The following ZNF827 variants were observed in gnomAD, a reference collection of about 807,000 sequenced individuals.
The protein encoded by ZNF827 is zinc finger protein 827.
In ZNF827, 13 loss-of-function variants were observed where a neutral mutation model predicts 102.4. That is an observed-to-expected ratio of 0.13 (90% CI 0.08 to 0.20). The LOEUF is 0.20. Among genes scored for constraint, ZNF827 ranks in the 10% least tolerant of loss-of-function variants. ZNF827 has a pLI of 1.00. For missense variants in ZNF827, 1,103 were observed against 1,344.4 expected (o/e 0.82, Z 2.81); for synonymous variants, 523 against 536.2 (o/e 0.98, Z 0.34).
chr4:145,930,668 G>T (rs1425106381), intron 1 of ZNF827, among the ~76,000 whole-genome samples: 1 of 152,202 alleles, frequency 6.6e-6, no homozygotes, highest in Admixed American at 6.5e-5. Context: ...GGAATGGACA[G>T]TCGGAAACAA....
chr4:145,806,954 C>T (rs1741512206), intron 8 of ZNF827, among the ~76,000 whole-genome samples: 1 of 152,164 alleles, frequency 6.6e-6, no homozygotes, highest in South Asian at 2.1e-4. Flanking sequence ...ATCTCCCTTG[C>T]AAGGTTAAAA....
At position 145,845,921 on chromosome 4, in the gene ZNF827, G is replaced by A. The variant is rs185325972; in HGVS notation, c.2279+35C>T. On this transcript the variant is annotated intron_variant, in intron 7 of 14. Coordinates refer to ENST00000508784, the MANE Select transcript of ZNF827 (RefSeq NM_001306215.2). ...GTAGTACGGGCTGGTGGCCCACACG[G>A]GGTGTTCTGGAGGAACCCACACAAA... 20 of 1,612,362 alleles carry A rather than the reference G, an allele frequency of 1.2e-5. No homozygotes were observed. In the African/African-American group the frequency reaches 1.9e-4, roughly 15 times the overall value.
At chr4:145,772,934 A>G (rs1169274625) in intron 11 of ZNF827, among the ~76,000 whole-genome samples, 11 of 152,186 alleles carry the variant, frequency 7.2e-5, no homozygotes, top group Admixed American at 6.5e-4. Flanking sequence ...GTTTCCACTC[A>G]CGACAATTAA....
At chr4:145,859,563 A>T (rs1255476088) in intron 5 of ZNF827, among the ~76,000 whole-genome samples, 1 of 152,182 alleles carries the variant, frequency 6.6e-6, no homozygotes, top group East Asian at 1.9e-4. Flanking sequence ...GGAGATACAG[A>T]GTGCATGGAT....
At chr4:145,776,612 T>TTG (rs140321780) in intron 9 of ZNF827, among the ~76,000 whole-genome samples, 9,869 of 151,116 alleles carry the variant, frequency 0.065, 455 homozygotes, top group Middle Eastern at 0.12. Context: ...GCATGTCTGT[T>TTG]TGTGTGTGTG....
At chr4:145,888,671 C>T (rs1379251519) in intron 3 of ZNF827, among the ~76,000 whole-genome samples, 1 of 152,224 alleles carries the variant, frequency 6.6e-6, no homozygotes, top group Non-Finnish European at 1.5e-5. Context: ...GAACTCAGTA[C>T]CCTGACTCTC....
chr4:145,913,319 G>A (rs895039063), intron 1 of ZNF827, among the ~76,000 whole-genome samples: 4 of 151,298 alleles, frequency 2.6e-5, no homozygotes, highest in South Asian at 2.1e-4. Context: ...CCAGCTACTC[G>A]GGAGGCTGAA....
intron 8 of ZNF827, among the ~76,000 whole-genome samples, chr4:145,815,269 T>C (rs757340015): frequency 2.6e-5 from 4 of 152,230 alleles, no homozygotes; most frequent in South Asian, 2.1e-4. Context: ...CCTCATATCA[T>C]GCGAATGCAA....
intron 1 of ZNF827, among the ~76,000 whole-genome samples, chr4:145,903,811 A>G (rs1313956165): frequency 6.6e-6 from 1 of 152,246 alleles, no homozygotes; most frequent in Non-Finnish European, 1.5e-5. Context: ...AGCTTATATC[A>G]TAATAAGCAT....
chr4:145,887,063 C>T (rs1750176447), intron 3 of ZNF827, among the ~76,000 whole-genome samples: 1 of 152,262 alleles, frequency 6.6e-6, no homozygotes, highest in Non-Finnish European at 1.5e-5. Flanking sequence ...CACTTTAGTG[C>T]TGACCTGCTA....
chr4:145,881,345 A>G (rs1296149728), intron 4 of ZNF827, among the ~76,000 whole-genome samples: 3 of 152,380 alleles, frequency 2.0e-5, no homozygotes, highest in South Asian at 2.1e-4. Context: ...TCTCAATTTT[A>G]CGAAATTAAT....
chr4:145,899,358 T>A (rs1030577388), intron 2 of ZNF827, among the ~76,000 whole-genome samples: 12 of 152,038 alleles, frequency 7.9e-5, no homozygotes, highest in African/African-American at 2.4e-5. Context: ...AGGGGACAGA[T>A]GGAGATGATC....
At position 145,916,545 on chromosome 4, in the gene ZNF827, T is replaced by C. The variant is rs114006953; in HGVS notation, c.44-13330A>G. On this transcript the variant is annotated intron_variant, in intron 1 of 14. Coordinates refer to ENST00000508784, the MANE Select transcript of ZNF827 (RefSeq NM_001306215.2). Reference sequence around the variant, plus strand: ...AGCACTGGTGATTTCCAAAGTACCTTTGGGGTCATTCTCTCATCGTCCTTT... The same window carrying C: ...AGCACTGGTGATTTCCAAAGTACCTCTGGGGTCATTCTCTCATCGTCCTTT... Among the ~76,000 whole-genome samples, 286 of 152,314 alleles carry C rather than the reference T, an allele frequency of 1.9e-3. 1 individual carries two copies. Among genetic ancestry groups the C allele is most frequent in the African/African-American group, 6.3e-3 (263 of 41,576 alleles).
chr4:145,817,851 A>G lies in ZNF827; in HGVS notation c.2383+5571T>C, dbSNP rs142987227. ...CTATGCTGCTGACCAGATCATCACT[A>G]AACTCAGCAATACATATTTTATCTA... On this transcript the variant is annotated intron_variant, in intron 8 of 14. Coordinates refer to ENST00000508784, the MANE Select transcript of ZNF827 (RefSeq NM_001306215.2). Among the ~76,000 whole-genome samples, 373 of 152,252 alleles carry G rather than the reference A, an allele frequency of 2.4e-3. 10 individuals carry two copies. The highest frequency in any genetic ancestry group is 1.1e-3 in the Non-Finnish European group (73 of 68,032).
At chr4:145,814,297 C>G (rs1480935411) in intron 8 of ZNF827, among the ~76,000 whole-genome samples, 1 of 152,196 alleles carries the variant, frequency 6.6e-6, no homozygotes, top group African/African-American at 2.4e-5. Flanking sequence ...TTCCCACCAC[C>G]AGTACCTGCA....
At chr4:145,804,642 T>A (rs1741228790) in intron 8 of ZNF827, among the ~76,000 whole-genome samples, 1 of 152,244 alleles carries the variant, frequency 6.6e-6, no homozygotes, top group Admixed American at 6.5e-5. Context: ...AGTTGAAAAC[T>A]CATCTTGAAC....
chr4:145,845,209 G>GT (rs1225624202), intron 7 of ZNF827, among the ~76,000 whole-genome samples: 1 of 152,154 alleles, frequency 6.6e-6, no homozygotes, highest in African/African-American at 2.4e-5. Flanking sequence ...CAGTGGTGGG[G>GT]TTTTCATCTG....
At chr4:145,797,344 G>A (rs1384847067) in intron 8 of ZNF827, among the ~76,000 whole-genome samples, 1 of 152,176 alleles carries the variant, frequency 6.6e-6, no homozygotes, top group Non-Finnish European at 1.5e-5. Context: ...TTGCCTTTAG[G>A]AAAAATTATT....
At chr4:145,776,648 G>T (rs904793892) in intron 9 of ZNF827, among the ~76,000 whole-genome samples, 2 of 152,076 alleles carry the variant, frequency 1.3e-5, no homozygotes, top group African/African-American at 4.8e-5. Flanking sequence ...TCAGTCATGG[G>T]TGAGTGCTGA....
Sources: allele counts gnomAD v4.1 joint callset (sites outside exome capture counted in the v4.1 genomes callset), GRCh38; gene constraint gnomAD v4.1.1; transcripts MANE v1.5; gene names NCBI Gene and HGNC (gene_info 2026-07-23, HGNC 2026-07-21).